Variants in KCNAB1 observed in about 807,000 individuals in gnomAD.
KCNAB1 encodes potassium voltage-gated channel subfamily A regulatory beta subunit 1.
In KCNAB1, 35 loss-of-function variants were observed where a neutral mutation model predicts 64.6. That is an observed-to-expected ratio of 0.54 (90% CI 0.41 to 0.72). The LOEUF is 0.72. KCNAB1 is among the 30% of genes least tolerant of loss of function. The probability of loss-of-function intolerance (pLI) is 0.00; values close to 1 mark genes in which losing one functional copy is unlikely to be tolerated. For synonymous variants in KCNAB1, 177 were observed against 183.8 expected, an observed-to-expected ratio of 0.96 and a Z score of 0.30; for missense variants, 401 against 512.9, an observed-to-expected ratio of 0.78 and a Z score of 2.11.
intron 1 of KCNAB1, among the ~76,000 whole-genome samples, chr3:156,314,247 A>C (rs1722126918): frequency 6.6e-6 from 1 of 151,894 alleles, no homozygotes; most frequent in Non-Finnish European, 1.5e-5. Flanking sequence ...AATGTAGTAC[A>C]TGTATTTGGT....
At chr3:156,481,609 C>T (rs943287438) in intron 8 of KCNAB1, among the ~76,000 whole-genome samples, 21 of 151,994 alleles carry the variant, frequency 1.4e-4, no homozygotes, top group African/African-American at 4.8e-4. Flanking sequence ...CAATGGGGGA[C>T]AGTAGGGTTC....
At chr3:156,252,135 C>T (rs1040483169) in intron 1 of KCNAB1, among the ~76,000 whole-genome samples, 1 of 152,228 alleles carries the variant, frequency 6.6e-6, no homozygotes, top group African/African-American at 2.4e-5. Context: ...CTGGCTCCCC[C>T]TGACGGAGGG....
In KCNAB1 at chr3:156,467,274, A is replaced by T. The variant is rs1013373031; in HGVS notation, c.571+1588A>T. On this transcript the variant is annotated intron_variant, in intron 7 of 13. Transcript: ENST00000490337. ...ATGCATATCACTTTCACTACATCATAAAGTTGAAAAACCATAAGTCAAACC... is the reference window on the plus strand; with the variant it reads ...ATGCATATCACTTTCACTACATCATTAAGTTGAAAAACCATAAGTCAAACC... 7.9e-5 allele frequency among the ~76,000 whole-genome samples: 12 copies of T among 152,260 alleles called. No individual in the cohort carries two copies. The East Asian group carries it at 2.3e-3, about 29-fold the overall frequency.
intron 1 of KCNAB1, among the ~76,000 whole-genome samples, chr3:156,386,382 C>A (rs1332228954): frequency 6.6e-6 from 1 of 152,170 alleles, no homozygotes; most frequent in African/African-American, 2.4e-5. Context: ...CCATCTGAGG[C>A]TTTCTTCCCT....
chr3:156,462,757 T>TG (rs1354552204), intron 5 of KCNAB1, among the ~76,000 whole-genome samples: 1 of 152,192 alleles, frequency 6.6e-6, no homozygotes, highest in Non-Finnish European at 1.5e-5. Flanking sequence ...CTCCTGAAGA[T>TG]TGGCCTTAAC....
intron 8 of KCNAB1, among the ~76,000 whole-genome samples, chr3:156,486,133 C>T (rs892727624): frequency 6.6e-6 from 1 of 152,056 alleles, no homozygotes; most frequent in Admixed American, 6.6e-5. Flanking sequence ...ATGTGAATAG[C>T]CTGTCCCCCA....
chr3:156,229,630 A>T (rs1005207220), intron 1 of KCNAB1, among the ~76,000 whole-genome samples: 4 of 152,224 alleles, frequency 2.6e-5, no homozygotes, highest in African/African-American at 9.6e-5. Context: ...TGGTAAGAAG[A>T]TGGGCTCAGA....
At chr3:156,200,773 A>G (rs1490090653) in intron 1 of KCNAB1, among the ~76,000 whole-genome samples, 1 of 152,228 alleles carries the variant, frequency 6.6e-6, no homozygotes, top group Non-Finnish European at 1.5e-5. Flanking sequence ...CCGCTGAATG[A>G]GACCACTTGG....
intron 2 of KCNAB1, among the ~76,000 whole-genome samples, chr3:156,442,267 G>A (rs917750871): frequency 3.3e-5 from 5 of 152,114 alleles, no homozygotes; most frequent in African/African-American, 4.8e-5. Context: ...TTTCATTCCT[G>A]TTTTGCCCAC....
At chr3:156,474,578 C>T (rs534899377) in intron 7 of KCNAB1, 156 bp from the exon 8 acceptor site, 8 of 487,092 alleles carry the variant, frequency 1.6e-5, no homozygotes, top group Admixed American at 3.5e-5. Context: ...ATTTTTAAAA[C>T]GTTCTAGAGT....
At position 156,523,947 on chromosome 3, in the gene KCNAB1, G is replaced by A. The variant is rs1483001307; in HGVS notation, c.1081G>A (p.Ala361Thr). The change falls in exon 12 of 14, where the codon GCG becomes ACG. Residue 361 changes from alanine to threonine, a missense_variant and splice_region_variant. Transcript: ENST00000490337. ...LGCTLPQLAV[A>T]WCLRNEGVSS... ...ATGCACACTACCTCAGCTAGCTGTT[G>A]GTAAGAAAATTACTAAGCTATGGGG... 6.2e-7 allele frequency: 1 copy of A among 1,613,016 alleles called. No homozygotes were observed. Among genetic ancestry groups the A allele is most frequent in the Non-Finnish European group, 8.5e-7 (1 of 1,179,682 alleles).
At chr3:156,436,636 G>T (rs1716599744) in intron 2 of KCNAB1, among the ~76,000 whole-genome samples, 1 of 152,134 alleles carries the variant, frequency 6.6e-6, no homozygotes, top group African/African-American at 2.4e-5. Flanking sequence ...GTATCTCATT[G>T]TGCTTTGATT....
At chr3:156,434,828 A>C (rs192173595) in intron 2 of KCNAB1, among the ~76,000 whole-genome samples, 3 of 152,332 alleles carry the variant, frequency 2.0e-5, no homozygotes, top group Admixed American at 2.0e-4. Context: ...CCATAAGATA[A>C]GTGGAAAAAT....
chr3:156,236,532 C>G (rs1468114981), intron 1 of KCNAB1, among the ~76,000 whole-genome samples: 2 of 152,168 alleles, frequency 1.3e-5, no homozygotes, highest in Non-Finnish European at 2.9e-5. Flanking sequence ...AACTGCCAAC[C>G]TAACAGCCAT....
intron 1 of KCNAB1, among the ~76,000 whole-genome samples, chr3:156,126,056 A>G (rs1408061688): frequency 1.3e-5 from 2 of 152,134 alleles, no homozygotes; most frequent in African/African-American, 2.4e-5. Context: ...GACTTGGAAG[A>G]TGTGCAGGAT....
At chr3:156,299,052 T>C (rs1159709722) in intron 1 of KCNAB1, among the ~76,000 whole-genome samples, 2 of 152,232 alleles carry the variant, frequency 1.3e-5, no homozygotes, top group East Asian at 1.9e-4. Context: ...TTGTTTTATA[T>C]AGATTGGCCA....
intron 1 of KCNAB1, among the ~76,000 whole-genome samples, chr3:156,221,818 G>A (rs1037259182): frequency 9.5e-5 from 14 of 147,560 alleles, no homozygotes; most frequent in East Asian, 2.0e-4. Flanking sequence ...GCAAAACTAC[G>A]CTTCATAAAT....
chr3:156,335,686 A>G (rs758201859), intron 1 of KCNAB1, among the ~76,000 whole-genome samples: 8 of 152,130 alleles, frequency 5.3e-5, no homozygotes, highest in Non-Finnish European at 1.0e-4. Flanking sequence ...TCAAGAAAAA[A>G]TCTTTCATTT....
intron 1 of KCNAB1, among the ~76,000 whole-genome samples, chr3:156,278,699 T>G (rs1196576249): frequency 6.6e-6 from 1 of 152,162 alleles, no homozygotes; most frequent in Non-Finnish European, 1.5e-5. Flanking sequence ...TAACTGCTGC[T>G]GGCCAGGCAG....
Sources: allele counts gnomAD v4.1 joint callset (sites outside exome capture counted in the v4.1 genomes callset), GRCh38; gene constraint gnomAD v4.1.1; transcripts MANE v1.5; gene names NCBI Gene and HGNC (gene_info 2026-07-23, HGNC 2026-07-21).